ARHGEF7: variants seen among roughly 807,000 people sequenced by gnomAD.
The protein encoded by ARHGEF7 is Rho guanine nucleotide exchange factor 7.
A neutral mutation model predicts 109.8 loss-of-function variants in ARHGEF7; 33 were observed. The ratio of observed to expected loss-of-function variants is 0.30; its 90% CI spans 0.23 to 0.40. The LOEUF (loss-of-function observed/expected upper bound fraction) is 0.40. Ranked by LOEUF, ARHGEF7 falls within the 10% of genes least tolerant of loss-of-function variation. ARHGEF7 has a pLI of 1.00. For synonymous variants in ARHGEF7, 458 were observed against 424.6 expected (o/e 1.08, Z -0.97); for missense variants, 938 against 1,098.5 (o/e 0.85, Z 2.07).
chr13:111,184,551 C>T (rs1448711112), intron 2 of ARHGEF7, among the ~76,000 whole-genome samples: 3 of 152,224 alleles, frequency 2.0e-5, no homozygotes, highest in African/African-American at 7.2e-5. Flanking sequence ...AACCCTTAGC[C>T]GGTCTGCCTC....
intron 16 of ARHGEF7, among the ~76,000 whole-genome samples, chr13:111,284,110 T>TG (rs200890335): frequency 0.017 from 2,552 of 152,018 alleles, 41 homozygotes; most frequent in Middle Eastern, 0.075. Flanking sequence ...GCGTGCATGG[T>TG]GGTGAGGTAT....
At chr13:111,199,745 T>C (rs1214169198) in intron 2 of ARHGEF7, among the ~76,000 whole-genome samples, 1 of 152,236 alleles carries the variant, frequency 6.6e-6, no homozygotes, top group Admixed American at 6.5e-5. Flanking sequence ...TTGTAGAGCC[T>C]TTGATGACTG....
chr13:111,280,255 G>C lies in ARHGEF7; in HGVS notation c.1507-17G>C. 1 of 1,596,470 alleles carries C rather than the reference G, an allele frequency of 6.3e-7. No individual in the cohort carries two copies. The highest frequency in any genetic ancestry group is 8.5e-7 in the Non-Finnish European group (1 of 1,171,572). ...GCACTAATTGTTTTTTTTTTTGTGGGGGGGGGTCTTTTTTAGGGAAAGCTT... is the reference window on the plus strand; with the variant it reads ...GCACTAATTGTTTTTTTTTTTGTGGCGGGGGGTCTTTTTTAGGGAAAGCTT... On this transcript the variant is annotated splice_polypyrimidine_tract_variant and intron_variant, in intron 13 of 21. Transcript: ENST00000646102.
chr13:111,185,330 G>A (rs769008675), intron 2 of ARHGEF7: 3 of 152,260 alleles, frequency 2.0e-5, no homozygotes, highest in Admixed American at 6.5e-5. Context: ...GTCCATCTGC[G>A]TCCTGTCCCC....
intron 2 of ARHGEF7, among the ~76,000 whole-genome samples, chr13:111,168,103 G>GGA (rs2077274881): frequency 6.6e-6 from 1 of 151,774 alleles, no homozygotes; most frequent in Non-Finnish European, 1.5e-5. Context: ...AGGAGCCTGA[G>GGA]GAGAGGGTCC....
chr13:111,205,499 C>G, intron 3 of ARHGEF7, 126 bp downstream of exon 3: 3 of 597,204 alleles, frequency 5.0e-6, no homozygotes, highest in Non-Finnish European at 8.6e-6. Flanking sequence ...TGTTGCATTA[C>G]GTTTTGATTG....
intron 1 of ARHGEF7, among the ~76,000 whole-genome samples, chr13:111,150,672 G>A (rs913375508): frequency 1.3e-5 from 2 of 152,208 alleles, no homozygotes; most frequent in Non-Finnish European, 2.9e-5. Context: ...GTGATTTCCA[G>A]TAGTCTGTCA....
chr13:111,217,626 T>C (rs2083296033), intron 4 of ARHGEF7, 53 bp from the exon 5 acceptor site: 1 of 1,464,780 alleles, frequency 6.8e-7, no homozygotes. Context: ...CATTTTATAA[T>C]GAAGTAGACT....
chr13:111,204,747 C>T (rs536173376), intron 2 of ARHGEF7, among the ~76,000 whole-genome samples: 2 of 152,258 alleles, frequency 1.3e-5, no homozygotes, highest in African/African-American at 4.8e-5. Context: ...GGTCTCTTGT[C>T]CCTGCCCCTT....
At chr13:111,253,143 A>T (rs1305302088) in intron 8 of ARHGEF7, among the ~76,000 whole-genome samples, 2 of 152,244 alleles carry the variant, frequency 1.3e-5, no homozygotes, top group African/African-American at 4.8e-5. Context: ...ATAGCATTTG[A>T]AATGCAGTTT....
chr13:111,262,487 C>T (rs1180466238), intron 8 of ARHGEF7, among the ~76,000 whole-genome samples: 1 of 152,112 alleles, frequency 6.6e-6, no homozygotes, highest in Non-Finnish European at 1.5e-5. Context: ...CTCTGAAGGC[C>T]ATCTGTTGAT....
intron 19 of ARHGEF7, chr13:111,294,485 A>AC: frequency 1.0e-6 from 1 of 985,428 alleles, no homozygotes; most frequent in Non-Finnish European, 1.2e-6. Context: ...TTGACGGTTT[A>AC]CCATCATTCC....
At chr13:111,157,263 A>C (rs987332812) in intron 2 of ARHGEF7, among the ~76,000 whole-genome samples, 1 of 148,058 alleles carries the variant, frequency 6.8e-6, no homozygotes, top group African/African-American at 2.5e-5. Flanking sequence ...TCATTTTCTT[A>C]TAACTTTTTT....
At chr13:111,227,866 T>C (rs1232730181) in intron 5 of ARHGEF7, among the ~76,000 whole-genome samples, 1 of 152,244 alleles carries the variant, frequency 6.6e-6, no homozygotes, top group African/African-American at 2.4e-5. Flanking sequence ...TTGACCCTTT[T>C]CTCTATCCTC....
At chr13:111,173,894 TGTG>T (rs1051358669) in intron 2 of ARHGEF7, among the ~76,000 whole-genome samples, 7 of 152,148 alleles carry the variant, frequency 4.6e-5, no homozygotes, top group African/African-American at 1.2e-4. Flanking sequence ...CTTAACTGCT[TGTG>T]GTGGTGTTTG....
intron 16 of ARHGEF7, among the ~76,000 whole-genome samples, chr13:111,283,801 G>A (rs2092901150): frequency 6.6e-6 from 1 of 152,204 alleles, no homozygotes; most frequent in Non-Finnish European, 1.5e-5. Context: ...CATTTGAGAT[G>A]AAGAGAACAT....
intron 15 of ARHGEF7, 183 bp from the exon 16 acceptor site, chr13:111,282,956 G>C: frequency 3.6e-6 from 3 of 842,212 alleles, no homozygotes; most frequent in South Asian, 3.6e-5. Context: ...CAGGTGGCGC[G>C]AGCTAGTGTT....
At chr13:111,243,763 AAGTAAC>A in intron 6 of ARHGEF7, 103 bp from the exon 7 acceptor site, 1 of 676,406 alleles carries the variant, frequency 1.5e-6, no homozygotes, top group Non-Finnish European at 2.5e-6. Flanking sequence ...TATTACATAG[AAGTAAC>A]AGTGTGAATT....
At chr13:111,191,159 T>A (rs981863949) in intron 2 of ARHGEF7, among the ~76,000 whole-genome samples, 3 of 151,936 alleles carry the variant, frequency 2.0e-5, no homozygotes, top group African/African-American at 7.3e-5. Flanking sequence ...GGTGATGATT[T>A]TGGGGGGCCC....
Sources: gnomAD v4.1 joint callset for allele counts (sites outside exome capture counted in the v4.1 genomes callset) on GRCh38, gnomAD v4.1.1 for gene constraint, MANE v1.5 for transcripts, NCBI Gene and HGNC (gene_info 2026-07-23, HGNC 2026-07-21) for gene names.